UNC5D: variants seen among roughly 807,000 people sequenced by gnomAD.
UNC5D encodes unc-5 netrin receptor D.
UNC5D carries 39 observed loss-of-function variants against 105.4 expected under a neutral mutation model. The ratio of observed to expected loss-of-function variants is 0.37; its 90% confidence interval spans 0.29 to 0.48. The LOEUF (loss-of-function observed/expected upper bound fraction) is 0.48, where lower values mean the gene tolerates loss of function less well. Ranked by LOEUF, UNC5D falls within the 20% of genes least tolerant of loss-of-function variation. UNC5D has a pLI of 0.98. For synonymous variants in UNC5D, 452 were observed against 450.4 expected (o/e 1.00, Z -0.04); for missense variants, 991 against 1,202.4 (o/e 0.82, Z 2.60).
chr8:35,789,581 T>C (rs982225431), intron 16 of UNC5D, among the ~76,000 whole-genome samples: 2 of 152,026 alleles, frequency 1.3e-5, no homozygotes, highest in Non-Finnish European at 2.9e-5. Flanking sequence ...TTCTGATGCA[T>C]TGCGTTTGTG....
At chr8:35,657,555 G>T (rs896463946) in intron 4 of UNC5D, among the ~76,000 whole-genome samples, 7 of 152,164 alleles carry the variant, frequency 4.6e-5, no homozygotes, top group African/African-American at 1.7e-4. Context: ...CTGGATCATA[G>T]CTCACTGTAA....
intron 14 of UNC5D, among the ~76,000 whole-genome samples, chr8:35,760,422 T>C (rs562519236): frequency 3.4e-5 from 5 of 147,478 alleles, no homozygotes; most frequent in Non-Finnish European, 7.5e-5. Flanking sequence ...ATTAGAGATT[T>C]AAAAAAAAAA....
intron 1 of UNC5D, among the ~76,000 whole-genome samples, chr8:35,441,034 G>A (rs777460243): frequency 5.3e-5 from 8 of 151,828 alleles, no homozygotes; most frequent in Non-Finnish European, 1.0e-4. Context: ...CAGGTCTTTG[G>A]GGCAGGCAAT....
intron 1 of UNC5D, among the ~76,000 whole-genome samples, chr8:35,358,657 C>G (rs1319955584): frequency 6.6e-6 from 1 of 152,092 alleles, no homozygotes; most frequent in African/African-American, 2.4e-5. Flanking sequence ...AAAAGTAGTT[C>G]CCCCTTCCTG....
intron 1 of UNC5D, among the ~76,000 whole-genome samples, chr8:35,406,444 G>A (rs1264814759): frequency 6.6e-6 from 1 of 151,980 alleles, no homozygotes; most frequent in Non-Finnish European, 1.5e-5. Context: ...ACTTTTTTCA[G>A]CATGATTAAA....
chr8:35,794,092 A>G lies in UNC5D; in HGVS notation c.*3529A>G, dbSNP rs1162350348. The G allele has an allele frequency of 1.3e-5, 2 of 152,178 alleles. No homozygotes were observed. Among genetic ancestry groups the G allele is most frequent in the African/African-American group, 4.8e-5 (2 of 41,440 alleles). The allele number at this position is 152,178 out of a possible 1,614,324, so 9.4% of individuals were successfully genotyped here. ...AAAATAGGATAATTGGTTTTAGATA[A>G]TATCTTCTACTGCCAAACTTCTGGC... On this transcript the variant is annotated 3_prime_UTR_variant, in exon 17 of 17. Coordinates refer to ENST00000404895, the MANE Select transcript of UNC5D (RefSeq NM_080872.4).
chr8:35,290,083 C>T (rs1453099084), intron 1 of UNC5D, among the ~76,000 whole-genome samples: 2 of 151,872 alleles, frequency 1.3e-5, no homozygotes, highest in Non-Finnish European at 2.9e-5. Flanking sequence ...ATATTATTGG[C>T]GGGAATGTAT....
intron 1 of UNC5D, among the ~76,000 whole-genome samples, chr8:35,286,830 CA>C (rs527992144): frequency 1.1e-4 from 17 of 152,264 alleles, no homozygotes; most frequent in Middle Eastern, 3.4e-3. Context: ...GTAACAACCA[CA>C]AAAATCTCAC....
intron 3 of UNC5D, among the ~76,000 whole-genome samples, chr8:35,572,803 TC>T (rs1461844877): frequency 6.8e-6 from 1 of 147,228 alleles, no homozygotes; most frequent in Non-Finnish European, 1.5e-5. Flanking sequence ...ATTTTATATT[TC>T]TTTTTTTTTT....
chr8:35,678,541 A>C (rs944916048), intron 4 of UNC5D, among the ~76,000 whole-genome samples: 1 of 152,226 alleles, frequency 6.6e-6, no homozygotes, highest in Admixed American at 6.5e-5. Flanking sequence ...TAAGACTTCT[A>C]TAAACACTGC....
chr8:35,584,244 G>A (rs1273196757), intron 3 of UNC5D, among the ~76,000 whole-genome samples: 2 of 152,126 alleles, frequency 1.3e-5, no homozygotes, highest in Non-Finnish European at 2.9e-5. Context: ...ACCCATGAGT[G>A]AATACAATCG....
In UNC5D at chr8:35,412,392, T is replaced by G. The variant is rs575791124; in HGVS notation, c.104-136900T>G. On this transcript the variant is annotated intron_variant, in intron 1 of 16. Coordinates refer to ENST00000404895, the MANE Select transcript of UNC5D (RefSeq NM_080872.4). ...CAGAAACAAATGATTTGACAGAGAC[T>G]TCAGAGGTGTTCCCTTGGGCTAAGG... Among the ~76,000 whole-genome samples, 9 of 152,138 alleles carry G rather than the reference T, an allele frequency of 5.9e-5. No homozygotes were observed. In the South Asian group the frequency reaches 1.4e-3, roughly 25 times the overall value.
chr8:35,536,715 T>C (rs373156278), intron 1 of UNC5D, among the ~76,000 whole-genome samples: 71 of 152,226 alleles, frequency 4.7e-4, no homozygotes, highest in African/African-American at 1.7e-3. Flanking sequence ...AAGCAAGGTG[T>C]GGCTGGGCAC....
At chr8:35,301,021 G>T (rs1431182368) in intron 1 of UNC5D, among the ~76,000 whole-genome samples, 4 of 152,158 alleles carry the variant, frequency 2.6e-5, no homozygotes, top group Non-Finnish European at 4.4e-5. Context: ...TATTGAGAGG[G>T]ACTAGAAGCA....
At chr8:35,587,002 G>A (rs1818832789) in intron 3 of UNC5D, among the ~76,000 whole-genome samples, 1 of 152,150 alleles carries the variant, frequency 6.6e-6, no homozygotes, top group Non-Finnish European at 1.5e-5. Flanking sequence ...GTGAGGAAGG[G>A]GAGGCTGCTG....
chr8:35,251,204 T>C (rs1803672842), intron 1 of UNC5D, among the ~76,000 whole-genome samples: 1 of 152,142 alleles, frequency 6.6e-6, no homozygotes, highest in African/African-American at 2.4e-5. Flanking sequence ...AGGAAAGATA[T>C]TTAATTGACT....
At chr8:35,471,361 G>A (rs1160309684) in intron 1 of UNC5D, among the ~76,000 whole-genome samples, 2 of 152,134 alleles carry the variant, frequency 1.3e-5, no homozygotes. Flanking sequence ...ATTAGGCAGT[G>A]TGCATCCTCC....
rs144923472 is a variant in UNC5D, at chr8:35,497,015, C to T, written c.104-52277C>T. Among the ~76,000 whole-genome samples the T allele has an allele frequency of 2.4e-4, 36 of 152,252 alleles. No individual in the cohort carries two copies. In the East Asian group the frequency reaches 7.0e-3, roughly 29 times the overall value. ...GATAGATTAACAAAAGAAAAGCATACATATTTATTTAATATACCTTTTATA... is the reference window on the plus strand; with the variant it reads ...GATAGATTAACAAAAGAAAAGCATATATATTTATTTAATATACCTTTTATA... On this transcript the variant is annotated intron_variant, in intron 1 of 16. Coordinates refer to ENST00000404895, the MANE Select transcript of UNC5D (RefSeq NM_080872.4).
In UNC5D at chr8:35,772,200, C is replaced by T. The variant is rs1025892961; in HGVS notation, c.2479-2099C>T. Among the ~76,000 whole-genome samples, 8 of 152,062 alleles carry T rather than the reference C, an allele frequency of 5.3e-5. No individual in the cohort carries two copies. The East Asian group carries it at 1.5e-3, about 29-fold the overall frequency. On this transcript the variant is annotated intron_variant, in intron 15 of 16. Coordinates refer to ENST00000404895, the MANE Select transcript of UNC5D (RefSeq NM_080872.4). The stretch of plus-strand genomic sequence containing the variant: ...TGATATGCAGCATTTCTCACATGTG[C>T]GTGACCATGAAACTGCCATTTCTTG...
Sources: allele counts gnomAD v4.1 joint callset (sites outside exome capture counted in the v4.1 genomes callset), GRCh38; gene constraint gnomAD v4.1.1; transcripts MANE v1.5; gene names NCBI Gene and HGNC (gene_info 2026-07-23, HGNC 2026-07-21).